Variants in LRMDA observed in about 807,000 individuals in gnomAD.
LRMDA encodes leucine rich melanocyte differentiation associated.
In LRMDA, 18 loss-of-function variants were observed where a neutral mutation model predicts 29.8. That is an observed-to-expected ratio of 0.60 (90% CI 0.42 to 0.90). The LOEUF (loss-of-function observed/expected upper bound fraction) is 0.90, where lower values mean the gene tolerates loss of function less well. Ranked by LOEUF, LRMDA falls within the 40% of genes least tolerant of loss-of-function variation. The pLI, the probability that LRMDA is intolerant of heterozygous loss-of-function variation, is 0.00. For missense variants in LRMDA, 273 were observed against 273.9 expected (o/e 1.00, Z 0.02); for synonymous variants, 125 against 109.4 (o/e 1.14, Z -0.89).
At chr10:76,146,321 A>G (rs1850320184) in intron 5 of LRMDA, among the ~76,000 whole-genome samples, 1 of 151,698 alleles carries the variant, frequency 6.6e-6, no homozygotes, top group Non-Finnish European at 1.5e-5. Context: ...AATGTGTGGG[A>G]GTCTAAGTCT....
intron 5 of LRMDA, among the ~76,000 whole-genome samples, chr10:76,276,950 G>A (rs972428642): frequency 6.6e-6 from 1 of 152,044 alleles, no homozygotes; most frequent in East Asian, 1.9e-4. Flanking sequence ...GGTGGTTTAC[G>A]ATCCTCATTC....
intron 5 of LRMDA, among the ~76,000 whole-genome samples, chr10:76,195,957 A>G (rs996265310): frequency 6.6e-6 from 1 of 152,210 alleles, no homozygotes; most frequent in South Asian, 2.1e-4. Flanking sequence ...ATTGTGCCAC[A>G]TTACAAGAAA....
intron 6 of LRMDA, among the ~76,000 whole-genome samples, chr10:76,417,705 G>A (rs1842031495): frequency 1.3e-5 from 2 of 152,098 alleles, no homozygotes; most frequent in Non-Finnish European, 2.9e-5. Flanking sequence ...GGAGTTCAAT[G>A]TATTAGTCTT....
At chr10:76,013,613 C>T (rs566787275) in intron 2 of LRMDA, among the ~76,000 whole-genome samples, 1 of 152,182 alleles carries the variant, frequency 6.6e-6, no homozygotes, top group South Asian at 2.1e-4. Flanking sequence ...GAAAGCTCCA[C>T]TTACTGGGTT....
At chr10:76,519,781 CTA>C (rs1482726519) in intron 6 of LRMDA, among the ~76,000 whole-genome samples, 1 of 151,874 alleles carries the variant, frequency 6.6e-6, no homozygotes, top group Admixed American at 6.6e-5. Context: ...AGTTTATTGA[CTA>C]TTTTTATTTT....
At chr10:76,137,441 T>C (rs1850115862) in intron 5 of LRMDA, among the ~76,000 whole-genome samples, 1 of 152,202 alleles carries the variant, frequency 6.6e-6, no homozygotes, top group Admixed American at 6.5e-5. Flanking sequence ...GTCCATTGTC[T>C]GTGCAGGCTA....
chr10:76,509,051 T>C (rs1842984761), intron 6 of LRMDA, among the ~76,000 whole-genome samples: 4 of 152,174 alleles, frequency 2.6e-5, no homozygotes, highest in Admixed American at 2.6e-4. Context: ...AAAGGACACA[T>C]CGGAAATTGT....
chr10:76,140,484 G>A (rs1480926359), intron 5 of LRMDA, among the ~76,000 whole-genome samples: 1 of 152,062 alleles, frequency 6.6e-6, no homozygotes, highest in Non-Finnish European at 1.5e-5. Context: ...CTGAACTCAA[G>A]CCACCTTTTT....
At chr10:75,486,614 G>A (rs773168766) in intron 2 of LRMDA, among the ~76,000 whole-genome samples, 2 of 152,088 alleles carry the variant, frequency 1.3e-5, no homozygotes, top group African/African-American at 2.4e-5. Context: ...GATGTTAGGA[G>A]CTAGAGAATT....
chr10:76,457,649 A>C (rs1441193920), intron 6 of LRMDA, among the ~76,000 whole-genome samples: 3 of 152,178 alleles, frequency 2.0e-5, no homozygotes, highest in African/African-American at 7.2e-5. Context: ...CTTCAGGCAT[A>C]AGTTATAGTG....
chr10:76,424,517 C>A (rs553244787), intron 6 of LRMDA, among the ~76,000 whole-genome samples: 1 of 152,032 alleles, frequency 6.6e-6, no homozygotes, highest in South Asian at 2.1e-4. Flanking sequence ...CCAGCCTGGG[C>A]CACAGAGCAA....
chr10:75,607,860 A>G (rs1439861110), intron 2 of LRMDA, among the ~76,000 whole-genome samples: 5 of 97,990 alleles, frequency 5.1e-5, no homozygotes, highest in African/African-American at 1.8e-4. Flanking sequence ...GGAGCCCAAG[A>G]TTTTCTATTT....
chr10:76,013,094 G>A (rs1847813973), intron 2 of LRMDA, among the ~76,000 whole-genome samples: 1 of 152,154 alleles, frequency 6.6e-6, no homozygotes, highest in Non-Finnish European at 1.5e-5. Flanking sequence ...AGCAGAAAAT[G>A]TTGGAAGCTT....
At chr10:76,305,108 C>A (rs1840535573) in intron 5 of LRMDA, among the ~76,000 whole-genome samples, 1 of 152,146 alleles carries the variant, frequency 6.6e-6, no homozygotes, top group African/African-American at 2.4e-5. Context: ...CACTACCATG[C>A]CTTACCCTTC....
chr10:75,595,473 G>T (rs900933016), intron 2 of LRMDA, among the ~76,000 whole-genome samples: 4 of 151,384 alleles, frequency 2.6e-5, no homozygotes, highest in Admixed American at 1.3e-4. Context: ...TATGTTTTGG[G>T]CCAGAGTCTT....
At chr10:76,351,655 A>G (rs1841177892) in intron 6 of LRMDA, among the ~76,000 whole-genome samples, 1 of 151,702 alleles carries the variant, frequency 6.6e-6, no homozygotes, top group African/African-American at 2.4e-5. Context: ...CCCTGCATAT[A>G]CATTCTCTCA....
chr10:76,193,257 A>G (rs1402778242), intron 5 of LRMDA, among the ~76,000 whole-genome samples: 1 of 152,234 alleles, frequency 6.6e-6, no homozygotes. Context: ...ATAGTGCTCC[A>G]TTAAAGTATC....
intron 6 of LRMDA, among the ~76,000 whole-genome samples, chr10:76,439,831 C>G (rs1842282727): frequency 6.6e-6 from 1 of 152,200 alleles, no homozygotes; most frequent in Non-Finnish European, 1.5e-5. Context: ...AGTGTCATAT[C>G]TGAAATCTCA....
chr10:75,875,582 G>A (rs1380042833), intron 2 of LRMDA, among the ~76,000 whole-genome samples: 4 of 152,072 alleles, frequency 2.6e-5, no homozygotes, highest in East Asian at 1.9e-4. Context: ...ACAGGCATGC[G>A]CCACCATGCC....
Sources: gnomAD v4.1 joint callset for allele counts (sites outside exome capture counted in the v4.1 genomes callset) on GRCh38, gnomAD v4.1.1 for gene constraint, MANE v1.5 for transcripts, NCBI Gene and HGNC (gene_info 2026-07-23, HGNC 2026-07-21) for gene names.